The following HMGCLL1 variants were observed in gnomAD, a reference collection of about 807,000 sequenced individuals.
HMGCLL1 encodes 3-hydroxymethyl-3-methylglutaryl-CoA lyase, cytoplasmic.
HMGCLL1 carries 36 observed loss-of-function variants against 39.1 expected under a neutral mutation model. That is an observed-to-expected ratio of 0.92 (90% CI 0.71 to 1.22). The LOEUF (loss-of-function observed/expected upper bound fraction) is 1.22. Ranked by LOEUF, HMGCLL1 falls within the 50% of genes most tolerant of loss-of-function variation. The pLI, the probability that HMGCLL1 is intolerant of heterozygous loss-of-function variation, is 0.00. For missense variants in HMGCLL1, 451 were observed against 416.5 expected (o/e 1.08, Z -0.72); for synonymous variants, 149 against 144.0 (o/e 1.03, Z -0.25).
At chr6:55,596,252 G>A in the HMGCLL1 span, among the ~76,000 whole-genome samples, 1 of 152,238 alleles carries the variant, frequency 6.6e-6, no homozygotes, top group African/African-American at 2.4e-5. Context: ...GCTTGAGCCC[G>A]GGAGGTGGAG....
intron 3 of HMGCLL1, among the ~76,000 whole-genome samples, chr6:55,518,838 A>G (rs1412100859): frequency 6.6e-6 from 1 of 152,106 alleles, no homozygotes; most frequent in Non-Finnish European, 1.5e-5. Flanking sequence ...TGAAGACCAG[A>G]CACAACCTGT....
intron 7 of HMGCLL1, among the ~76,000 whole-genome samples, chr6:55,485,886 A>G (rs1766001208): frequency 6.6e-6 from 1 of 151,790 alleles, no homozygotes; most frequent in South Asian, 2.1e-4. Context: ...CTTACATAAT[A>G]TATCAAAAAA....
the HMGCLL1 span, among the ~76,000 whole-genome samples, chr6:55,651,817 C>G: frequency 6.6e-6 from 1 of 152,068 alleles, no homozygotes; most frequent in African/African-American, 2.4e-5. Flanking sequence ...AATGTTGCCT[C>G]CATGTACAGG....
the HMGCLL1 span, among the ~76,000 whole-genome samples, chr6:55,590,184 G>C: frequency 6.6e-6 from 1 of 151,990 alleles, no homozygotes; most frequent in Admixed American, 6.6e-5. Context: ...AAAACAGCAT[G>C]GTACTGTTAC....
At position 55,507,222 on chromosome 6, in the gene HMGCLL1, C is replaced by A. The variant is rs9475324; in HGVS notation, c.542+6826G>T. On this transcript the variant is annotated intron_variant, in intron 5 of 8. Coordinates refer to ENST00000274901, the MANE Select transcript of HMGCLL1 (RefSeq NM_001042406.2). ...ACAAAAATTACTGAAGAGGCTATAT[C>A]TGTGGGTTAAACTTTATTATACATA... Among the ~76,000 whole-genome samples, 54 of 151,418 alleles carry A rather than the reference C, an allele frequency of 3.6e-4. No individual in the cohort carries two copies. The East Asian group carries it at 0.01, about 28-fold the overall frequency.
chr6:55,582,755 T>C (rs1772005941), upstream of HMGCLL1, among the ~76,000 whole-genome samples: 1 of 152,144 alleles, frequency 6.6e-6, no homozygotes, highest in Admixed American at 6.5e-5. Flanking sequence ...TACATTTTAT[T>C]TCAGAGAGAA....
At chr6:55,557,271 A>G (rs1275510801) in intron 1 of HMGCLL1, among the ~76,000 whole-genome samples, 3 of 152,134 alleles carry the variant, frequency 2.0e-5, no homozygotes, top group African/African-American at 7.2e-5. Flanking sequence ...GCTTAAGGGG[A>G]TGAGCCTTTA....
At chr6:55,575,953 T>A (rs1247408067) in intron 1 of HMGCLL1, among the ~76,000 whole-genome samples, 2 of 152,184 alleles carry the variant, frequency 1.3e-5, no homozygotes, top group African/African-American at 4.8e-5. Flanking sequence ...CATGTGATGC[T>A]TATGGCCTAT....
At chr6:55,459,822 T>G (rs754416927) in intron 7 of HMGCLL1, among the ~76,000 whole-genome samples, 3 of 150,056 alleles carry the variant, frequency 2.0e-5, no homozygotes, top group Non-Finnish European at 4.5e-5. Context: ...TGAATATATA[T>G]ACAGATAAAT....
At chr6:55,517,187 A>G (rs1767786303) in intron 3 of HMGCLL1, among the ~76,000 whole-genome samples, 1 of 152,120 alleles carries the variant, frequency 6.6e-6, no homozygotes. Context: ...ACAAATTAAT[A>G]CAGTAGAGTT....
chr6:55,461,972 T>C (rs2127396507), intron 7 of HMGCLL1, among the ~76,000 whole-genome samples: 1 of 152,154 alleles, frequency 6.6e-6, no homozygotes, highest in Non-Finnish European at 1.5e-5. Flanking sequence ...GGCAGTAGGG[T>C]CATATGATTC....
At chr6:55,662,498 A>T in the HMGCLL1 span, among the ~76,000 whole-genome samples, 4 of 151,824 alleles carry the variant, frequency 2.6e-5, no homozygotes, top group African/African-American at 9.7e-5. Flanking sequence ...TGATTTGTGT[A>T]TGTTGAACTA....
the HMGCLL1 span, among the ~76,000 whole-genome samples, chr6:55,651,179 C>T: frequency 6.6e-6 from 1 of 152,130 alleles, no homozygotes; most frequent in Non-Finnish European, 1.5e-5. Context: ...GTGTAAGAGC[C>T]TAGTTCCTGC....
chr6:55,594,586 T>C, the HMGCLL1 span, among the ~76,000 whole-genome samples: 3 of 152,176 alleles, frequency 2.0e-5, no homozygotes, highest in Non-Finnish European at 2.9e-5. Flanking sequence ...TACTTGATCA[T>C]TTCCAGATGC....
intron 1 of HMGCLL1, among the ~76,000 whole-genome samples, chr6:55,561,854 T>C (rs1012412234): frequency 1.3e-5 from 2 of 152,134 alleles, no homozygotes; most frequent in South Asian, 4.1e-4. Context: ...TGAGTGAAAA[T>C]GATTTATCTT....
the HMGCLL1 span, among the ~76,000 whole-genome samples, chr6:55,632,851 A>C: frequency 1.3e-5 from 2 of 152,042 alleles, no homozygotes; most frequent in African/African-American, 2.4e-5. Flanking sequence ...GATGATAGAA[A>C]ATTTCAGTGT....
chr6:55,437,323 C>T (rs1229263292), intron 8 of HMGCLL1, among the ~76,000 whole-genome samples: 1 of 151,774 alleles, frequency 6.6e-6, no homozygotes, highest in Non-Finnish European at 1.5e-5. Flanking sequence ...AATGTGGACT[C>T]ACAACAGAAA....
At chr6:55,537,722 C>A (rs1348588157) in intron 3 of HMGCLL1, among the ~76,000 whole-genome samples, 2 of 152,170 alleles carry the variant, frequency 1.3e-5, no homozygotes. Context: ...GAGGTTAAGT[C>A]ACTTACTCAA....
chr6:55,509,569 G>A (rs1411110938), intron 5 of HMGCLL1, among the ~76,000 whole-genome samples: 2 of 151,834 alleles, frequency 1.3e-5, no homozygotes, highest in African/African-American at 2.4e-5. Flanking sequence ...ATAAATGTGT[G>A]TAGTTATAAA....
Sources: gnomAD v4.1 joint callset for allele counts (sites outside exome capture counted in the v4.1 genomes callset) on GRCh38, gnomAD v4.1.1 for gene constraint, MANE v1.5 for transcripts, NCBI Gene and HGNC (gene_info 2026-07-23, HGNC 2026-07-21) for gene names.